The following UBR4 variants were observed in gnomAD, a reference collection of about 807,000 sequenced individuals.
The protein encoded by UBR4 is E3 ubiquitin-protein ligase UBR4.
UBR4 carries 124 observed loss-of-function variants against 575.6 expected under a neutral mutation model. The ratio of observed to expected loss-of-function variants is 0.22; its 90% confidence interval spans 0.19 to 0.25. UBR4 has a LOEUF of 0.25. Ranked by LOEUF, UBR4 falls within the 10% of genes least tolerant of loss-of-function variation. The pLI, the probability that UBR4 is intolerant of heterozygous loss-of-function variation, is 1.00. For synonymous variants in UBR4, 2,455 were observed against 2,473.7 expected, an observed-to-expected ratio of 0.99 and a Z score of 0.22; for missense variants, 4,818 against 6,478.8, an observed-to-expected ratio of 0.74 and a Z score of 8.80.
At chr1:19,137,397 C>G (rs747477076) in intron 60 of UBR4, among the ~76,000 whole-genome samples, 1 of 152,016 alleles carries the variant, frequency 6.6e-6, no homozygotes, top group Non-Finnish European at 1.5e-5. Context: ...GTCTTATTTT[C>G]AGGTTTTTCT....
At chr1:19,096,466 A>G (rs1397175971) in intron 92 of UBR4, 57 bp downstream of exon 92, 13 of 1,580,714 alleles carry the variant, frequency 8.2e-6, no homozygotes, top group Admixed American at 1.8e-5. Flanking sequence ...TTCTTTCCAC[A>G]GGGGCCTCTC....
intron 94 of UBR4, among the ~76,000 whole-genome samples, chr1:19,094,603 TC>T (rs1482528503): frequency 6.6e-6 from 1 of 152,196 alleles, no homozygotes; most frequent in Non-Finnish European, 1.5e-5. Flanking sequence ...GCTATTCAAT[TC>T]CTCAACTATG....
At chr1:19,087,780 G>C in intron 99 of UBR4, 36 bp downstream of exon 99, 3 of 1,556,652 alleles carry the variant, frequency 1.9e-6, no homozygotes, top group Non-Finnish European at 2.6e-6. Context: ...GGTCAGGCTG[G>C]GCCCTCAGGA....
Position 19,198,830 on chromosome 1 carries a change from C to T in UBR4, c.477G>A (p.Lys159=), listed in dbSNP as rs372588949. 4 of 1,614,224 alleles carry T rather than the reference C, an allele frequency of 2.5e-6. No homozygotes were observed. The highest frequency in any genetic ancestry group is 3.4e-6 in the Non-Finnish European group (4 of 1,180,040). ...AAAGTGTCTTCACTGTTTGGGGCAG[C>T]TTGGCGGATTTCATCATTGCTGTAA... ...ITFTAMMKSA[K]LPQTVKTLSD... Residue 159 remains lysine (K), a synonymous_variant, in exon 4 of 106, where the codon AAG becomes AAA. Coordinates refer to ENST00000375254, the MANE Select transcript of UBR4 (RefSeq NM_020765.3).
At position 19,122,219 on chromosome 1, in the gene UBR4, G is replaced by A. The variant is rs375208836; in HGVS notation, c.9817-207C>T. On this transcript the variant is annotated intron_variant, in intron 66 of 105. Coordinates refer to ENST00000375254, the MANE Select transcript of UBR4 (RefSeq NM_020765.3). Reference sequence around the variant, plus strand: ...AACCGCTGCAGCTCTTACCGAACCTGCCTTTGTTCTACCCCATCCCCACGC... The same window carrying A: ...AACCGCTGCAGCTCTTACCGAACCTACCTTTGTTCTACCCCATCCCCACGC... Among the ~76,000 whole-genome samples the A allele has an allele frequency of 5.3e-5, 8 of 152,296 alleles. No homozygotes were observed. In the East Asian group the frequency reaches 1.5e-3, roughly 29 times the overall value.
In UBR4 at chr1:19,150,612, A is replaced by G; in HGVS notation, c.7395T>C (p.Ala2465=). ...CAGTTCCACTGGTCGTAGTGGGGGC[A>G]GCTGAGTCGCTATCTCCAGTGCCGT... is the stretch of plus-strand genomic sequence containing the variant. The part of the protein sequence containing the change: ...QSNGTGDSDS[A]APTTTSGTVL... The change falls in exon 49 of 106, where the codon GCT becomes GCC. Residue 2465 remains alanine, a synonymous_variant. Transcript: ENST00000375254. 3.7e-6 allele frequency: 6 copies of G among 1,613,768 alleles called. No homozygotes were observed. The highest frequency in any genetic ancestry group is 5.1e-6 in the Non-Finnish European group (6 of 1,180,028).
chr1:19,086,717 G>T lies in UBR4; in HGVS notation c.14649C>A (p.Phe4883Leu). Residue 4883 changes from phenylalanine (F) to leucine (L), a missense_variant, in exon 100 of 106, where the codon TTC becomes TTA. Coordinates refer to ENST00000375254, the MANE Select transcript of UBR4 (RefSeq NM_020765.3). ...GATGGCAGTCGTAGTGCACAATGTTGAAGTGGGACACGGTGCTGTAGCCCT... is the reference window on the plus strand; with the variant it reads ...GATGGCAGTCGTAGTGCACAATGTTTAAGTGGGACACGGTGCTGTAGCCCT... ...KQQGYSTVSH[F>L]NIVHYDCHLA... The T allele has an allele frequency of 6.2e-7, 1 of 1,614,230 alleles. No individual in the cohort carries two copies. The highest frequency in any genetic ancestry group is 1.1e-5 in the South Asian group (1 of 91,082).
At position 19,165,291 on chromosome 1, in the gene UBR4, A is replaced by T; in HGVS notation, c.4270T>A (p.Cys1424Ser). 6.2e-7 allele frequency: 1 copy of T among 1,614,258 alleles called. No homozygotes were observed. The highest frequency in any genetic ancestry group is 8.5e-7 in the Non-Finnish European group (1 of 1,180,042). Residue 1424 changes from cysteine (C) to serine (S), a missense_variant, in exon 31 of 106, where the codon TGT becomes AGT. By Grantham distance (112) the Cys-to-Ser change is moderately radical (BLOSUM62 -1). This residue lies in a region of UBR4 where 1,172 missense variants were observed against 1,259.7 expected (regional missense o/e 0.93). Coordinates refer to ENST00000375254, the MANE Select transcript of UBR4 (RefSeq NM_020765.3). ...GTGAAGAATTTCAAAACTCGGTTAC[A>T]GAATTTAGCAGAGAGGTTCTCATTG... is the stretch of plus-strand genomic sequence containing the variant. ...TANENLSAKFCNRVLKFFTKL... is the reference protein window; with the variant it reads ...TANENLSAKFSNRVLKFFTKL...
At chr1:19,076,651 T>C (rs2148379505) in intron 105 of UBR4, 89 bp downstream of exon 105, 1 of 1,567,444 alleles carries the variant, frequency 6.4e-7, no homozygotes, top group South Asian at 1.1e-5. Context: ...TTTCCTCTGG[T>C]CGTGAAGATA....
intron 66 of UBR4, 109 bp from the exon 67 acceptor site, chr1:19,122,121 A>G (rs1410917782): frequency 9.4e-7 from 1 of 1,058,506 alleles, no homozygotes; most frequent in East Asian, 2.4e-5. Context: ...ACACCTGAAC[A>G]TGATCTTCTG....
intron 52 of UBR4, among the ~76,000 whole-genome samples, chr1:19,146,609 C>T (rs1557778674): frequency 6.6e-6 from 1 of 152,164 alleles, no homozygotes; most frequent in African/African-American, 2.4e-5. Context: ...ACTAAATAAA[C>T]TCAAGGATAA....
At position 19,153,728 on chromosome 1, in the gene UBR4, G is replaced by A. The variant is rs1161809147; in HGVS notation, c.6630+40C>T. Reference sequence around the variant, plus strand: ...ATATACAAACATAAAAAGAGACCAGGTTCACAGCAAAGTAATGAATGGGAA... The same window carrying A: ...ATATACAAACATAAAAAGAGACCAGATTCACAGCAAAGTAATGAATGGGAA... On this transcript the variant is annotated intron_variant, in intron 45 of 105. Transcript: ENST00000375254. This position sits in a 1 kb window ranked among gnomAD's most constrained non-coding sequence, Gnocchi z 4.1. 1.9e-6 allele frequency: 3 copies of A among 1,594,470 alleles called. No individual in the cohort carries two copies. In the African/African-American group the frequency reaches 4.1e-5, roughly 22 times the overall value.
chr1:19,137,881 C>T (rs1210479507), intron 60 of UBR4, 126 bp downstream of exon 60: 8 of 1,072,638 alleles, frequency 7.5e-6, no homozygotes, highest in East Asian at 2.9e-5. Context: ...CAGAAGTTTA[C>T]ACCTTTATAT....
chr1:19,150,425 A>T (rs2085507078), intron 49 of UBR4, 152 bp downstream of exon 49: 8 of 776,308 alleles, frequency 1.0e-5, no homozygotes, highest in Non-Finnish European at 1.2e-5. Context: ...CGCTAAAGAG[A>T]CACTGAATGT....
At chr1:19,131,243 T>TAAAAAAAA (rs869155620) in intron 60 of UBR4, among the ~76,000 whole-genome samples, 3 of 102,978 alleles carry the variant, frequency 2.9e-5, no homozygotes, top group South Asian at 3.5e-4. Flanking sequence ...TCTTGAAACT[T>TAAAAAAAA]AAAAAAAAAA....
At chr1:19,170,665 AT>A in intron 26 of UBR4, 96 bp downstream of exon 26, 5 of 1,531,040 alleles carry the variant, frequency 3.3e-6, no homozygotes, top group Non-Finnish European at 3.5e-6. Context: ...GCTCCAATAA[AT>A]AGTAAACGCC....
rs2078508502 is a variant in UBR4, at chr1:19,100,359, T to C, written c.13221+17A>G. 8 of 1,613,616 alleles carry C rather than the reference T, an allele frequency of 5.0e-6. No homozygotes were observed. The highest frequency in any genetic ancestry group is 1.7e-4 in the Middle Eastern group (1 of 5,852). ...CCCTAATCGTAAACGTGGGCAGCAC[T>C]GTCCTATGGTCATTACCTCCATGCC... On this transcript the variant is annotated intron_variant, in intron 89 of 105. Transcript: ENST00000375254. The surrounding 1 kb of genome is among the most constrained non-coding windows in gnomAD (Gnocchi z 4.2).
At chr1:19,086,338 G>A in intron 100 of UBR4, 68 bp from the exon 101 acceptor site, 3 of 628,728 alleles carry the variant, frequency 4.8e-6, no homozygotes, top group South Asian at 1.8e-5. Flanking sequence ...ACCTGGGCGG[G>A]GGGGCGGGGG....
intron 28 of UBR4, 39 bp downstream of exon 28, chr1:19,167,988 C>A: frequency 6.5e-7 from 1 of 1,541,050 alleles, no homozygotes; most frequent in African/African-American, 1.4e-5. Context: ...CAATAGAATA[C>A]AGACATAGAG....
Sources: allele counts gnomAD v4.1 joint callset (sites outside exome capture counted in the v4.1 genomes callset), GRCh38; gene constraint gnomAD v4.1.1; regional missense constraint gnomAD v4.1.1; non-coding constraint Gnocchi (gnomAD v3.1); transcripts MANE v1.5; gene names NCBI Gene and HGNC (gene_info 2026-07-23, HGNC 2026-07-21).